BCAR3: variants seen among roughly 807,000 people sequenced by gnomAD.
The protein encoded by BCAR3 is breast cancer anti-estrogen resistance protein 3.
BCAR3 carries 37 observed loss-of-function variants against 80.1 expected under a neutral mutation model. That is an observed-to-expected ratio of 0.46 (90% CI 0.36 to 0.61). The LOEUF is 0.61. BCAR3 is among the 20% of genes least tolerant of loss of function. BCAR3 has a pLI of 0.00. For missense variants in BCAR3, 978 were observed against 1,068.2 expected, an observed-to-expected ratio of 0.92 and a Z score of 1.18; for synonymous variants, 389 against 418.9, an observed-to-expected ratio of 0.93 and a Z score of 0.87.
chr1:93,569,816 T>G (rs768666715), intron 9 of BCAR3, among the ~76,000 whole-genome samples: 1 of 152,108 alleles, frequency 6.6e-6, no homozygotes, highest in African/African-American at 2.4e-5. Context: ...ACTGCTGAGT[T>G]TGATGTCATG....
chr1:93,611,674 G>C (rs1436769757), intron 3 of BCAR3, among the ~76,000 whole-genome samples: 1 of 152,162 alleles, frequency 6.6e-6, no homozygotes, highest in East Asian at 1.9e-4. Flanking sequence ...AAGTCCGTAT[G>C]AGGCCTCTAA....
At chr1:93,615,524 G>A (rs993021740) in intron 3 of BCAR3, among the ~76,000 whole-genome samples, 5 of 152,104 alleles carry the variant, frequency 3.3e-5, no homozygotes, top group Non-Finnish European at 7.4e-5. Flanking sequence ...CAGTCTTGAC[G>A]GCTCCCAGGC....
At chr1:93,749,138 A>G (rs573992345) in intron 2 of BCAR3, among the ~76,000 whole-genome samples, 4 of 146,844 alleles carry the variant, frequency 2.7e-5, no homozygotes, top group Admixed American at 1.4e-4. Context: ...ACACACACAA[A>G]CAAATAATGG....
intron 3 of BCAR3, among the ~76,000 whole-genome samples, chr1:93,700,870 A>T (rs1649616555): frequency 6.6e-6 from 1 of 152,250 alleles, no homozygotes; most frequent in Non-Finnish European, 1.5e-5. Flanking sequence ...GCTCTGAGCT[A>T]CTGCGGAGGG....
chr1:93,786,467 G>A (rs534568213), intron 2 of BCAR3, among the ~76,000 whole-genome samples: 3 of 152,292 alleles, frequency 2.0e-5, no homozygotes, highest in African/African-American at 7.2e-5. Flanking sequence ...AGACCATGGA[G>A]AGCAGAGACA....
At chr1:93,843,258 G>T (rs1655027543) in intron 2 of BCAR3, among the ~76,000 whole-genome samples, 1 of 152,220 alleles carries the variant, frequency 6.6e-6, no homozygotes, top group Non-Finnish European at 1.5e-5. Flanking sequence ...CTGAGTAGGA[G>T]TGGGGTAGGG....
chr1:93,846,973 C>CT (rs1655230079), intron 1 of BCAR3: 5 of 226,980 alleles, frequency 2.2e-5, no homozygotes, highest in South Asian at 8.4e-5. Flanking sequence ...ACAGACGTCG[C>CT]GCGGCGGCGC....
At chr1:93,771,080 TA>T (rs1373842148) in intron 2 of BCAR3, among the ~76,000 whole-genome samples, 1 of 152,224 alleles carries the variant, frequency 6.6e-6, no homozygotes, top group African/African-American at 2.4e-5. Flanking sequence ...TAATGTTTAT[TA>T]AGCATTTACT....
chr1:93,801,710 A>C (rs1205364005), intron 2 of BCAR3, among the ~76,000 whole-genome samples: 2 of 152,256 alleles, frequency 1.3e-5, no homozygotes, highest in Non-Finnish European at 1.5e-5. Flanking sequence ...CTATAATCCC[A>C]GCGACTTGGG....
chr1:93,822,576 T>C (rs965790946), intron 2 of BCAR3, among the ~76,000 whole-genome samples: 2 of 152,026 alleles, frequency 1.3e-5, no homozygotes, highest in African/African-American at 4.8e-5. Flanking sequence ...GAGCTCAAAG[T>C]AATCTGCCCG....
Position 93,674,655 on chromosome 1 carries a change from C to G in BCAR3, c.276G>C (p.Glu92Asp). Residue 92 changes from glutamate (E) to aspartate (D), a missense_variant, in exon 2 of 12, where the codon GAG (glutamate) becomes GAC (aspartate). Physicochemically the swap from Glu to Asp is conservative, Grantham distance 45. Transcript: ENST00000260502. ...NSPVTQDGIQESPWQDRHGET... is the reference protein window; with the variant it reads ...NSPVTQDGIQDSPWQDRHGET... ...CGCCGTGCCGGTCCTGCCATGGGCT[C>G]TCCTGGATGCCATCCTGGGTCACAG... The G allele has an allele frequency of 6.2e-7, 1 of 1,614,044 alleles. No individual in the cohort carries two copies. Among genetic ancestry groups the G allele is most frequent in the South Asian group, 1.1e-5 (1 of 91,052 alleles).
intron 3 of BCAR3, among the ~76,000 whole-genome samples, chr1:93,608,730 T>C (rs990671444): frequency 6.6e-6 from 1 of 152,188 alleles, no homozygotes; most frequent in Non-Finnish European, 1.5e-5. Context: ...TCCCCTGATA[T>C]TGAAACCAGA....
At chr1:93,826,596 T>G (rs1250004424) in intron 2 of BCAR3, among the ~76,000 whole-genome samples, 2 of 152,160 alleles carry the variant, frequency 1.3e-5, no homozygotes, top group Non-Finnish European at 2.9e-5. Context: ...TGCTGCCAGG[T>G]AGTTTACATT....
chr1:93,744,754 T>C (rs542542949), intron 2 of BCAR3, among the ~76,000 whole-genome samples: 13 of 152,322 alleles, frequency 8.5e-5, no homozygotes, highest in Admixed American at 7.2e-4. Context: ...ACTGACATGA[T>C]TTATTGCTTT....
intron 3 of BCAR3, among the ~76,000 whole-genome samples, chr1:93,595,003 C>CA (rs1224402536): frequency 1.3e-5 from 2 of 152,082 alleles, no homozygotes; most frequent in South Asian, 2.1e-4. Flanking sequence ...AAACTGGTTA[C>CA]AAAAAATATA....
intron 2 of BCAR3, among the ~76,000 whole-genome samples, chr1:93,645,149 C>A (rs1038481393): frequency 2.6e-5 from 4 of 152,106 alleles, no homozygotes; most frequent in Non-Finnish European, 2.9e-5. Flanking sequence ...GTTGGCCCCC[C>A]ACAATGTGCA....
intron 2 of BCAR3, among the ~76,000 whole-genome samples, chr1:93,809,236 T>C (rs1653747492): frequency 6.6e-6 from 1 of 151,806 alleles, no homozygotes; most frequent in Non-Finnish European, 1.5e-5. Context: ...GAGGCAGGAG[T>C]GGGATAGAAG....
chr1:93,844,267 A>T (rs1018605684), intron 2 of BCAR3, among the ~76,000 whole-genome samples: 1 of 152,324 alleles, frequency 6.6e-6, no homozygotes, highest in South Asian at 2.1e-4. Context: ...AGATCATGCC[A>T]TTGCACTCCA....
chr1:93,652,975 C>T (rs896534599), intron 2 of BCAR3, among the ~76,000 whole-genome samples: 1 of 152,184 alleles, frequency 6.6e-6, no homozygotes, highest in Non-Finnish European at 1.5e-5. Context: ...TAGTTTGTTT[C>T]TCATTAGTAA....
Sources: allele counts gnomAD v4.1 joint callset (sites outside exome capture counted in the v4.1 genomes callset), GRCh38; gene constraint gnomAD v4.1.1; transcripts MANE v1.5; gene names NCBI Gene and HGNC (gene_info 2026-07-23, HGNC 2026-07-21).